The following DYNC2I1 variants were observed in gnomAD, a reference collection of about 807,000 sequenced individuals.
The protein encoded by DYNC2I1 is dynein 2 intermediate chain 1, also known as cytoplasmic dynein 2 intermediate chain 1.
DYNC2I1 carries 89 observed loss-of-function variants against 133.4 expected under a neutral mutation model. The ratio of observed to expected loss-of-function variants is 0.67; its 90% confidence interval spans 0.56 to 0.80. The LOEUF (loss-of-function observed/expected upper bound fraction) is 0.80, where lower values mean the gene tolerates loss of function less well. DYNC2I1 is among the 30% of genes least tolerant of loss of function. The pLI is 0.00. For synonymous variants in DYNC2I1, 504 were observed against 484.3 expected, an observed-to-expected ratio of 1.04 and a Z score of -0.54; for missense variants, 1,291 against 1,314.5, an observed-to-expected ratio of 0.98 and a Z score of 0.28.
intron 1 of DYNC2I1, among the ~76,000 whole-genome samples, chr7:158,865,992 T>C (rs1157082141): frequency 6.6e-6 from 1 of 152,158 alleles, no homozygotes; most frequent in African/African-American, 2.4e-5. Flanking sequence ...TTTAAGAAAA[T>C]GGCTGTTACT....
At chr7:158,949,642 AGGCGGCGCG>A (rs751786828), downstream of DYNC2I1, among the ~76,000 whole-genome samples, 1 of 28,664 alleles carries the variant, frequency 3.5e-5, no homozygotes, top group Non-Finnish European at 1.2e-4. Context: ...CAGGAGGTGC[AGGCGGCGCG>A]GCTTCAGGGA....
chr7:158,913,636 C>T (rs1847710452), intron 13 of DYNC2I1, among the ~76,000 whole-genome samples: 1 of 152,136 alleles, frequency 6.6e-6, no homozygotes, highest in Non-Finnish European at 1.5e-5. Flanking sequence ...TCCCTTTTCT[C>T]AGGTAAGCCT....
intron 6 of DYNC2I1, among the ~76,000 whole-genome samples, chr7:158,885,391 G>A (rs1214283970): frequency 6.6e-6 from 1 of 151,472 alleles, no homozygotes; most frequent in Non-Finnish European, 1.5e-5. Context: ...GCCGAGCCTG[G>A]AGTGCAGTGG....
chr7:158,920,416 A>G (rs1338658925), intron 15 of DYNC2I1, among the ~76,000 whole-genome samples: 3 of 151,346 alleles, frequency 2.0e-5, no homozygotes, highest in African/African-American at 7.3e-5. Flanking sequence ...TGTGTACCAC[A>G]GTGTGTGGCC....
rs530056326 is a variant in DYNC2I1 at position 158,856,746 on chromosome 7, G to A, written c.11G>A (p.Gly4Glu). 7.3e-6 allele frequency: 9 copies of A among 1,234,914 alleles called. No homozygotes were observed. The highest frequency in any genetic ancestry group is 9.1e-6 in the Non-Finnish European group (9 of 987,036). The allele number at this position is 1,234,914 out of a possible 1,614,324, so 76.5% of individuals were successfully genotyped here. ...GGCCTGCGGGAAGCGATGGAGCCCG[G>A]GAAGGTCGGTGCGGCGCTGGGTCTG... MEP[G>E]KRRTKDDTWK... Residue 4 changes from glycine (G) to glutamate (E), a missense_variant, in exon 1 of 25, where the codon GGG (glycine) becomes GAG (glutamate). Transcript: ENST00000407559.
intron 24 of DYNC2I1, among the ~76,000 whole-genome samples, chr7:158,944,273 G>A (rs889267343): frequency 6.6e-6 from 1 of 151,942 alleles, no homozygotes; most frequent in Admixed American, 6.6e-5. Context: ...TTTGTCCTCT[G>A]CCCTCTTTGC....
intron 8 of DYNC2I1, among the ~76,000 whole-genome samples, 162 bp downstream of exon 8, chr7:158,891,495 A>C (rs1469789878): frequency 6.6e-6 from 1 of 152,262 alleles, no homozygotes; most frequent in Non-Finnish European, 1.5e-5. Context: ...TATGAAATTC[A>C]TACTTGCCCT....
chr7:158,879,157 A>T (rs1269886744), intron 4 of DYNC2I1, among the ~76,000 whole-genome samples: 1 of 152,154 alleles, frequency 6.6e-6, no homozygotes, highest in East Asian at 1.9e-4. Flanking sequence ...GTGTCTGACC[A>T]TGGACCATGA....
chr7:158,918,045 A>T (rs1182753447), intron 14 of DYNC2I1, among the ~76,000 whole-genome samples: 1 of 151,414 alleles, frequency 6.6e-6, no homozygotes, highest in Non-Finnish European at 1.5e-5. Context: ...CTCACTCAAC[A>T]TTTCCTGCCT....
rs571693484 is a variant in DYNC2I1 at position 158,927,834 on chromosome 7, GAGCCACCGTCC to G, written c.2485+796_2485+806del. On this transcript the variant is annotated intron_variant, in intron 20 of 24. Coordinates refer to ENST00000407559, the MANE Select transcript of DYNC2I1 (RefSeq NM_018051.5). ...CCCATAGTGCTGGGATTACAGGCAT[GAGCCACCGTCC>G]AGCCTGAGTGAATGTTTTGATCTTA... 2.6e-3 allele frequency among the ~76,000 whole-genome samples: 393 copies of G among 152,316 alleles called. 2 individuals are homozygous for G. Among genetic ancestry groups the G allele is most frequent in the African/African-American group, 9.2e-3 (381 of 41,574 alleles).
downstream of DYNC2I1, among the ~76,000 whole-genome samples, chr7:158,950,820 A>G (rs537496895): frequency 3.1e-4 from 46 of 150,256 alleles, no homozygotes; most frequent in African/African-American, 1.0e-3. Flanking sequence ...CACCGGGACC[A>G]GCCTCTATAT....
At chr7:158,917,415 T>C (rs1378779608) in intron 14 of DYNC2I1, among the ~76,000 whole-genome samples, 2,957 of 73,526 alleles carry the variant, frequency 0.04, 159 homozygotes, top group African/African-American at 0.062. Context: ...ACACCTCCTG[T>C]CCTCCACACT....
chr7:158,899,205 A>G (rs1486602818), intron 8 of DYNC2I1, among the ~76,000 whole-genome samples: 5 of 152,196 alleles, frequency 3.3e-5, no homozygotes, highest in Admixed American at 3.3e-4. Context: ...AATAGTTGTT[A>G]TACTGTATTT....
chr7:158,905,616 GTTTT>G (rs374990281), intron 10 of DYNC2I1, among the ~76,000 whole-genome samples: 1 of 152,100 alleles, frequency 6.6e-6, no homozygotes, highest in African/African-American at 2.4e-5. Context: ...ACTTGTTTCT[GTTTT>G]TTAGCAATTT....
chr7:158,892,994 C>A lies in DYNC2I1; in HGVS notation c.1059+1661C>A, dbSNP rs540687370. Among the ~76,000 whole-genome samples the A allele has an allele frequency of 5.3e-5, 8 of 151,926 alleles. No individual in the cohort carries two copies. In the South Asian group the frequency reaches 1.0e-3, roughly 20 times the overall value. ...TACAAAGATTTCCCATATACCCCCT[C>A]GCCCCCACACATGAATAGCCTCCCC... On this transcript the variant is annotated intron_variant, in intron 8 of 24. Transcript: ENST00000407559.
rs373903185 is a variant in DYNC2I1 at position 158,894,217 on chromosome 7, C to T, written c.1059+2884C>T. Among the ~76,000 whole-genome samples the T allele has an allele frequency of 3.8e-4, 58 of 152,094 alleles. 1 individual carries two copies. In the East Asian group the frequency reaches 0.011, roughly 28 times the overall value. On this transcript the variant is annotated intron_variant, in intron 8 of 24. Transcript: ENST00000407559. ...ACATATCATACCGTATATCATAGTG[C>T]ATATCCTACCACATATCGTACTGCA...
chr7:158,845,137 G>T, the DYNC2I1 span, among the ~76,000 whole-genome samples: 1 of 151,984 alleles, frequency 6.6e-6, no homozygotes, highest in Non-Finnish European at 1.5e-5. Context: ...TCACTGTTTG[G>T]ATCCAACTGG....
chr7:158,920,385 G>A (rs558346034), intron 15 of DYNC2I1, among the ~76,000 whole-genome samples: 7 of 145,806 alleles, frequency 4.8e-5, no homozygotes, highest in East Asian at 2.0e-4. Flanking sequence ...GGCCTCCGTC[G>A]GGGAACACGT....
At chr7:158,884,700 G>A (rs538240327) in intron 6 of DYNC2I1, 81 bp downstream of exon 6, 4 of 1,448,286 alleles carry the variant, frequency 2.8e-6, no homozygotes, top group African/African-American at 2.8e-5. Context: ...TATTGGCTCC[G>A]ATGACGGCCA....
Sources: allele counts gnomAD v4.1 joint callset (sites outside exome capture counted in the v4.1 genomes callset), GRCh38; gene constraint gnomAD v4.1.1; transcripts MANE v1.5; gene names NCBI Gene and HGNC (gene_info 2026-07-23, HGNC 2026-07-21).